Variants in SLC24A3 observed in about 807,000 individuals in gnomAD.
The protein encoded by SLC24A3 is solute carrier family 24 member 3, also known as sodium/potassium/calcium exchanger 3.
Under a neutral mutation model 75.8 loss-of-function variants are expected in SLC24A3, and 28 were observed. That is an observed-to-expected ratio of 0.37 (90% CI 0.27 to 0.51). The LOEUF is 0.51. SLC24A3 is among the 20% of genes least tolerant of loss of function. The pLI, the probability that SLC24A3 is intolerant of heterozygous loss-of-function variation, is 0.94. For missense variants in SLC24A3, 663 were observed against 847.8 expected, an observed-to-expected ratio of 0.78 and a Z score of 2.71; for synonymous variants, 372 against 334.1, an observed-to-expected ratio of 1.11 and a Z score of -1.24.
intron 2 of SLC24A3, among the ~76,000 whole-genome samples, chr20:19,512,596 C>T (rs537904194): frequency 6.6e-6 from 1 of 152,384 alleles, no homozygotes; most frequent in African/African-American, 2.4e-5. Flanking sequence ...TGCCTGGATT[C>T]AGAACCCAAG....
intron 2 of SLC24A3, among the ~76,000 whole-genome samples, chr20:19,502,991 C>T (rs535817199): frequency 2.1e-4 from 32 of 149,056 alleles, no homozygotes; most frequent in Middle Eastern, 6.9e-3. Flanking sequence ...AGTGTTACTG[C>T]GCTCCAGCCC....
chr20:19,384,212 C>G (rs1010724550), intron 2 of SLC24A3, among the ~76,000 whole-genome samples: 5 of 152,172 alleles, frequency 3.3e-5, no homozygotes, highest in Non-Finnish European at 7.3e-5. Flanking sequence ...ACTCTCTTAT[C>G]AAATTTCAAT....
At chr20:19,329,359 A>G (rs1476064377) in intron 2 of SLC24A3, among the ~76,000 whole-genome samples, 1 of 152,062 alleles carries the variant, frequency 6.6e-6, no homozygotes. Context: ...TTTTCTATTC[A>G]TATTAACTGA....
chr20:19,555,759 C>G (rs975699115), intron 3 of SLC24A3, among the ~76,000 whole-genome samples: 1 of 152,272 alleles, frequency 6.6e-6, no homozygotes, highest in Non-Finnish European at 1.5e-5. Flanking sequence ...GTAAATTACT[C>G]TGAGTTTTGA....
chr20:19,253,269 TGCCAC>T (rs1982716567), intron 1 of SLC24A3, among the ~76,000 whole-genome samples: 2 of 152,322 alleles, frequency 1.3e-5, no homozygotes, highest in Non-Finnish European at 1.5e-5. Context: ...GCAAATGACC[TGCCAC>T]GCTTGGTTGC....
chr20:19,642,381 T>C (rs2032086381), intron 6 of SLC24A3, among the ~76,000 whole-genome samples: 1 of 152,230 alleles, frequency 6.6e-6, no homozygotes, highest in African/African-American at 2.4e-5. Context: ...GAGCATCTGT[T>C]ATGGATAAAT....
At chr20:19,360,517 C>T (rs1389966955) in intron 2 of SLC24A3, among the ~76,000 whole-genome samples, 1 of 152,156 alleles carries the variant, frequency 6.6e-6, no homozygotes, top group Non-Finnish European at 1.5e-5. Context: ...AATAATATGC[C>T]AACTTCTCAA....
chr20:19,439,264 G>A (rs1315140581), intron 2 of SLC24A3, among the ~76,000 whole-genome samples: 1 of 152,202 alleles, frequency 6.6e-6, no homozygotes, highest in Non-Finnish European at 1.5e-5. Context: ...TGGGGATCAG[G>A]CCTCCCTCAT....
intron 1 of SLC24A3, chr20:19,264,160 A>C (rs1269457063): frequency 1.0e-5 from 1 of 97,970 alleles, no homozygotes; most frequent in African/African-American, 4.4e-5. Context: ...GACCCTGTCA[A>C]AAAAAAAAAA....
At chr20:19,713,952 G>A (rs1380328469) in intron 15 of SLC24A3, among the ~76,000 whole-genome samples, 1 of 152,176 alleles carries the variant, frequency 6.6e-6, no homozygotes, top group African/African-American at 2.4e-5. Context: ...CCAGAGGGTT[G>A]CAAACATTTT....
chr20:19,442,072 T>C (rs116865081), intron 2 of SLC24A3, among the ~76,000 whole-genome samples: 1,848 of 152,348 alleles, frequency 0.012, 21 homozygotes, highest in Non-Finnish European at 0.016. Context: ...TTCCATTGTC[T>C]GAATGTACCA....
chr20:19,549,732 CGA>C lies in SLC24A3; in HGVS notation c.349-30265_349-30264del, dbSNP rs376370047. ...CTGGGAGATAGAGGTTGCAGTGAGC[CGA>C]GATCATGCCATTGCACTCCAGCTGG... On this transcript the variant is annotated intron_variant, in intron 3 of 16. Transcript: ENST00000328041. 4.1e-4 allele frequency among the ~76,000 whole-genome samples: 63 copies of C among 152,208 alleles called. 1 individual carries two copies. The East Asian group carries it at 0.01, about 25-fold the overall frequency.
At chr20:19,249,864 T>A (rs1017291812) in intron 1 of SLC24A3, among the ~76,000 whole-genome samples, 4 of 152,236 alleles carry the variant, frequency 2.6e-5, no homozygotes, top group Non-Finnish European at 4.4e-5. Context: ...AACTGAAACT[T>A]GTACAGTGTT....
rs1984593867 is a variant in SLC24A3 at position 19,316,601 on chromosome 20, T to A, written c.271+35514T>A. On this transcript the variant is annotated intron_variant, in intron 2 of 16. Transcript: ENST00000328041. ...CAGTGAAGACAATGGGAGCCATAAA[T>A]CAGCCAGACACCAAGTCGTGCCGAC... Among the ~76,000 whole-genome samples, 11 of 152,312 alleles carry A rather than the reference T, an allele frequency of 7.2e-5. 2 individuals carry two copies. The South Asian group carries it at 2.3e-3, about 32-fold the overall frequency.
At chr20:19,399,675 T>C (rs1986516398) in intron 2 of SLC24A3, among the ~76,000 whole-genome samples, 1 of 152,216 alleles carries the variant, frequency 6.6e-6, no homozygotes, top group South Asian at 2.1e-4. Flanking sequence ...GAATATGGTT[T>C]GTTTTGACAG....
chr20:19,589,517 G>C (rs1362444064), intron 6 of SLC24A3, among the ~76,000 whole-genome samples: 1 of 152,122 alleles, frequency 6.6e-6, no homozygotes, highest in Non-Finnish European at 1.5e-5. Context: ...GTAAAGGTGG[G>C]GAAATATGAG....
At chr20:19,629,090 A>G (rs1286579880) in intron 6 of SLC24A3, among the ~76,000 whole-genome samples, 3 of 152,112 alleles carry the variant, frequency 2.0e-5, no homozygotes, top group Non-Finnish European at 4.4e-5. Flanking sequence ...CTGAAAAAGA[A>G]TTAAGAATAA....
chr20:19,266,025 CT>C (rs1983154929), intron 1 of SLC24A3: 2 of 152,652 alleles, frequency 1.3e-5, no homozygotes, highest in South Asian at 4.1e-4. Context: ...GAGGTTGATT[CT>C]AACCAAGGGA....
At chr20:19,274,705 C>T (rs1202201113) in intron 1 of SLC24A3, among the ~76,000 whole-genome samples, 1 of 152,188 alleles carries the variant, frequency 6.6e-6, no homozygotes, top group African/African-American at 2.4e-5. Flanking sequence ...GGACACCAGG[C>T]TCATCCTTCC....
Sources: allele counts gnomAD v4.1 joint callset (sites outside exome capture counted in the v4.1 genomes callset), GRCh38; gene constraint gnomAD v4.1.1; transcripts MANE v1.5; gene names NCBI Gene and HGNC (gene_info 2026-07-23, HGNC 2026-07-21).